CWC27: variants seen among roughly 807,000 people sequenced by gnomAD.
CWC27 encodes the protein CWC27 spliceosome associated cyclophilin.
In CWC27, 47 loss-of-function variants were observed where a neutral mutation model predicts 63.6. The ratio of observed to expected loss-of-function variants is 0.74; its 90% confidence interval spans 0.58 to 0.94. The LOEUF is 0.94. Ranked by LOEUF, CWC27 falls within the 40% of genes least tolerant of loss-of-function variation. The pLI is 0.00. For synonymous variants in CWC27, 175 were observed against 179.8 expected (o/e 0.97, Z 0.22); for missense variants, 495 against 554.3 (o/e 0.89, Z 1.07).
rs541031773 is a variant in CWC27 at position 64,918,814 on chromosome 5, G to A, written c.1042+33268G>A. On this transcript the variant is annotated intron_variant, in intron 11 of 13. Coordinates refer to ENST00000381070, the MANE Select transcript of CWC27 (RefSeq NM_005869.4). ...TTAAATGGTTGTATGTTACTGCTATGTTCTATGGAACATCTACCAGAGTCC... is the reference window on the plus strand; with the variant it reads ...TTAAATGGTTGTATGTTACTGCTATATTCTATGGAACATCTACCAGAGTCC... Among the ~76,000 whole-genome samples the A allele has an allele frequency of 9.9e-5, 15 of 152,074 alleles. No individual in the cohort carries two copies. The South Asian group carries it at 3.1e-3, about 32-fold the overall frequency.
intron 11 of CWC27, among the ~76,000 whole-genome samples, chr5:64,933,666 TA>T (rs1447631115): frequency 6.6e-6 from 1 of 152,096 alleles, no homozygotes; most frequent in Non-Finnish European, 1.5e-5. Flanking sequence ...CTAATTTTTG[TA>T]TTTTTAGTAC....
intron 11 of CWC27, among the ~76,000 whole-genome samples, chr5:64,899,639 GAC>G (rs1747457233): frequency 6.6e-6 from 1 of 152,156 alleles, no homozygotes; most frequent in African/African-American, 2.4e-5. Context: ...CCAGTCAAAA[GAC>G]AGAATCCACA....
In CWC27 at chr5:64,842,523, C is replaced by T. The variant is rs185240430; in HGVS notation, c.938+38137C>T. On this transcript the variant is annotated intron_variant, in intron 10 of 13. Coordinates refer to ENST00000381070, the MANE Select transcript of CWC27 (RefSeq NM_005869.4). ...TTCACCATGTTAGCCAGGATGGTCT[C>T]GATCTCCTGACCTCGTGATCCACTC... 3.0e-4 allele frequency among the ~76,000 whole-genome samples: 46 copies of T among 152,006 alleles called. 2 individuals carry two copies. The highest frequency in any genetic ancestry group is 2.3e-3 in the Admixed American group (35 of 15,276).
intron 13 of CWC27, among the ~76,000 whole-genome samples, chr5:64,979,841 A>G (rs1749301543): frequency 6.6e-6 from 1 of 152,072 alleles, no homozygotes; most frequent in Admixed American, 6.5e-5. Context: ...AGAAACCATT[A>G]CCAATTTGTT....
At chr5:64,980,293 A>C (rs1749310888) in intron 13 of CWC27, among the ~76,000 whole-genome samples, 1 of 152,142 alleles carries the variant, frequency 6.6e-6, no homozygotes. Context: ...CCCTTCTTTG[A>C]GCATGGATTT....
rs558146943 is a variant in CWC27, at chr5:64,965,750, C to G, written c.1043-5953C>G. 6.6e-5 allele frequency among the ~76,000 whole-genome samples: 10 copies of G among 152,164 alleles called. No individual in the cohort carries two copies. In the South Asian group the frequency reaches 1.5e-3, roughly 22 times the overall value. ...TTCTTTGTCATTTTAAATGTAGATC[C>G]TATCACCAAACAGATATTTTCAAAC... On this transcript the variant is annotated intron_variant, in intron 11 of 13. Coordinates refer to ENST00000381070, the MANE Select transcript of CWC27 (RefSeq NM_005869.4).
intron 10 of CWC27, among the ~76,000 whole-genome samples, chr5:64,883,611 T>C (rs1454632364): frequency 6.6e-6 from 1 of 152,270 alleles, no homozygotes; most frequent in East Asian, 1.9e-4. Flanking sequence ...ATTAACATCA[T>C]TGAATGATAG....
Position 65,018,281 on chromosome 5 carries a change from A to G in CWC27, c.1379A>G (p.Glu460Gly), listed in dbSNP as rs1750086217. ...RNPVNKRRRE[E>G]SKKLMREKKE... ...CCAGTGAATAAAAGAAGGAGGGAAG[A>G]AAGCAAAAAGCTGATGAGAGAGAAA... The change falls in exon 14 of 14, where the codon GAA (glutamate) becomes GGA (glycine). Residue 460 changes from glutamate to glycine, a missense_variant. Glu to Gly is a moderately conservative substitution (Grantham distance 98). This residue lies in a region of CWC27 where 20 missense variants were observed against 22.1 expected (regional missense o/e 0.91). Transcript: ENST00000381070. The G allele has an allele frequency of 6.2e-7, 1 of 1,605,362 alleles. No homozygotes were observed. The highest frequency in any genetic ancestry group is 1.4e-5 in the African/African-American group (1 of 74,050).
chr5:64,942,334 G>A (rs143710022), intron 11 of CWC27, among the ~76,000 whole-genome samples: 3,409 of 151,182 alleles, frequency 0.023, 94 homozygotes, highest in Non-Finnish European at 0.029. Flanking sequence ...GGAGGCTGAG[G>A]TGAGAGCATC....
intron 13 of CWC27, among the ~76,000 whole-genome samples, chr5:64,982,398 A>G (rs981650166): frequency 6.6e-6 from 1 of 151,850 alleles, no homozygotes. Context: ...GTCAAAGCTC[A>G]CTCCAGCCTC....
chr5:64,942,081 A>G (rs947642643), intron 11 of CWC27, among the ~76,000 whole-genome samples: 1 of 152,110 alleles, frequency 6.6e-6, no homozygotes, highest in Non-Finnish European at 1.5e-5. Flanking sequence ...AATATATTAT[A>G]TGAGATTAAA....
At chr5:64,903,147 C>T (rs1467366551) in intron 11 of CWC27, among the ~76,000 whole-genome samples, 1 of 152,088 alleles carries the variant, frequency 6.6e-6, no homozygotes, top group Non-Finnish European at 1.5e-5. Context: ...ACCGGAAATA[C>T]CATTTGACCC....
intron 11 of CWC27, among the ~76,000 whole-genome samples, chr5:64,941,349 T>C (rs1748475199): frequency 6.6e-6 from 1 of 152,224 alleles, no homozygotes; most frequent in Non-Finnish European, 1.5e-5. Flanking sequence ...AGTACCATAC[T>C]GCAGGGCACA....
intron 10 of CWC27, among the ~76,000 whole-genome samples, chr5:64,815,775 AC>A: frequency 6.6e-6 from 1 of 152,316 alleles, no homozygotes; most frequent in East Asian, 1.9e-4. Flanking sequence ...ATCAGTCTTT[AC>A]ACCCAAGGGT....
chr5:64,774,656 T>C, intron 1 of CWC27, 35 bp from the exon 2 acceptor site: 1 of 1,288,770 alleles, frequency 7.8e-7, no homozygotes, highest in Non-Finnish European at 1.1e-6. Context: ...TTAAGCAAAA[T>C]AATAATTTAA....
chr5:64,867,942 G>C (rs979727130), intron 10 of CWC27, among the ~76,000 whole-genome samples: 75 of 151,572 alleles, frequency 4.9e-4, no homozygotes, highest in African/African-American at 1.8e-3. Context: ...TGTGTTTGGG[G>C]GGGGGGCTGT....
intron 11 of CWC27, among the ~76,000 whole-genome samples, chr5:64,888,928 G>A (rs1284273886): frequency 1.3e-5 from 2 of 152,098 alleles, no homozygotes; most frequent in African/African-American, 4.8e-5. Flanking sequence ...AGGGATCGAG[G>A]TAATATCACC....
At chr5:64,808,058 G>A in intron 10 of CWC27, 1 of 1,297,696 alleles carries the variant, frequency 7.7e-7, no homozygotes, top group Non-Finnish European at 9.8e-7. Context: ...TTTCTCTTGA[G>A]ACTAATCTCT....
intron 10 of CWC27, among the ~76,000 whole-genome samples, chr5:64,828,503 G>T (rs1745428494): frequency 6.6e-6 from 1 of 151,968 alleles, no homozygotes; most frequent in Admixed American, 6.6e-5. Flanking sequence ...TGTCTAGTGA[G>T]TGCTCACTTC....
Sources: gnomAD v4.1 joint callset for allele counts (sites outside exome capture counted in the v4.1 genomes callset) on GRCh38, gnomAD v4.1.1 for gene constraint, gnomAD v4.1.1 regional missense constraint, MANE v1.5 for transcripts, NCBI Gene and HGNC (gene_info 2026-07-23, HGNC 2026-07-21) for gene names.